SH3RF3: variants seen among roughly 807,000 people sequenced by gnomAD.
SH3RF3 encodes E3 ubiquitin-protein ligase SH3RF3.
Under a neutral mutation model 66.3 loss-of-function variants are expected in SH3RF3, and 29 were observed. The ratio of observed to expected loss-of-function variants is 0.44; its 90% CI spans 0.33 to 0.60. The LOEUF is 0.60. SH3RF3 is among the 20% of genes least tolerant of loss of function. SH3RF3 has a pLI of 0.04. For synonymous variants in SH3RF3, 583 were observed against 532.0 expected, an observed-to-expected ratio of 1.10 and a Z score of -1.32; for missense variants, 1,194 against 1,190.9, an observed-to-expected ratio of 1.00 and a Z score of -0.04.
At chr2:109,356,450 C>T (rs191038195) in intron 2 of SH3RF3, among the ~76,000 whole-genome samples, 51 of 152,318 alleles carry the variant, frequency 3.3e-4, no homozygotes, top group African/African-American at 8.9e-4. Flanking sequence ...CACAGTAGCA[C>T]GACACTCGAC....
chr2:109,498,800 G>A (rs12616439), intron 9 of SH3RF3, among the ~76,000 whole-genome samples: 17,963 of 152,254 alleles, frequency 0.12, 1,554 homozygotes, highest in East Asian at 0.3. Flanking sequence ...GGGTAAACAG[G>A]TGAATGGCTG....
intron 4 of SH3RF3, among the ~76,000 whole-genome samples, chr2:109,404,048 C>T (rs1676386209): frequency 6.6e-6 from 1 of 152,192 alleles, no homozygotes; most frequent in Non-Finnish European, 1.5e-5. Context: ...CATCTCTAGT[C>T]ACTGCTTTCT....
At chr2:109,408,826 G>A (rs997975459) in intron 4 of SH3RF3, among the ~76,000 whole-genome samples, 5 of 152,252 alleles carry the variant, frequency 3.3e-5, no homozygotes, top group African/African-American at 7.2e-5. Flanking sequence ...AAAGCTGGAT[G>A]GAGAAGCCTC....
chr2:109,495,308 T>C (rs1679229627), intron 9 of SH3RF3, among the ~76,000 whole-genome samples: 1 of 152,134 alleles, frequency 6.6e-6, no homozygotes, highest in South Asian at 2.1e-4. Context: ...TGGTCTGTTC[T>C]GGTGCAGGGC....
At chr2:109,493,804 A>G (rs1187805722) in intron 9 of SH3RF3, among the ~76,000 whole-genome samples, 1 of 152,148 alleles carries the variant, frequency 6.6e-6, no homozygotes, top group Non-Finnish European at 1.5e-5. Context: ...CATAACACAC[A>G]GATACACACA....
Position 109,129,352 on chromosome 2 carries a change from TCCCCGCCACGC to T in SH3RF3, c.-188_-178del. On this transcript the variant is annotated 5_prime_UTR_variant, in exon 1 of 10. Coordinates refer to ENST00000309415, the MANE Select transcript of SH3RF3 (RefSeq NM_001099289.3). The stretch of plus-strand genomic sequence containing the variant: ...GGCCGGTCCCCGCCACGCAGGCCGG[TCCCCGCCACGC>T]AGGCCGGTCGGTGAGCCACTTCGCA... 1 of 871,220 alleles carries T rather than the reference TCCCCGCCACGC, an allele frequency of 1.1e-6. No individual in the cohort carries two copies. Among genetic ancestry groups the T allele is most frequent in the Non-Finnish European group, 1.8e-6 (1 of 568,834 alleles). The allele number at this position is 871,220 out of a possible 1,614,324, so 54.0% of individuals were successfully genotyped here.
intron 1 of SH3RF3, among the ~76,000 whole-genome samples, chr2:109,174,774 C>T (rs752029985): frequency 1.3e-5 from 2 of 152,328 alleles, no homozygotes; most frequent in Middle Eastern, 3.4e-3. Context: ...GTGGCTCACT[C>T]GCTGGAGCCC....
At chr2:109,432,165 G>A (rs943004507) in intron 5 of SH3RF3, among the ~76,000 whole-genome samples, 1 of 152,212 alleles carries the variant, frequency 6.6e-6, no homozygotes, top group African/African-American at 2.4e-5. Context: ...CTGGGATGCA[G>A]TTCAGAGAGT....
At chr2:109,185,688 T>C (rs1035233789) in intron 1 of SH3RF3, among the ~76,000 whole-genome samples, 1 of 152,196 alleles carries the variant, frequency 6.6e-6, no homozygotes, top group Admixed American at 6.5e-5. Flanking sequence ...CACATGGCTC[T>C]TGGTGGAAAA....
chr2:109,297,791 A>G (rs1382656372), intron 1 of SH3RF3, among the ~76,000 whole-genome samples: 1 of 148,780 alleles, frequency 6.7e-6, no homozygotes, highest in Non-Finnish European at 1.5e-5. Flanking sequence ...GCCCCCAACT[A>G]GGTCAGCTCT....
intron 8 of SH3RF3, among the ~76,000 whole-genome samples, chr2:109,480,675 G>C (rs1342459817): frequency 6.6e-6 from 1 of 152,168 alleles, no homozygotes; most frequent in Non-Finnish European, 1.5e-5. Context: ...CTGGCATGTG[G>C]AGGGGTGGAG....
At chr2:109,278,712 C>G (rs902170301) in intron 1 of SH3RF3, among the ~76,000 whole-genome samples, 1 of 152,216 alleles carries the variant, frequency 6.6e-6, no homozygotes, top group African/African-American at 2.4e-5. Flanking sequence ...CTTCCAGAGC[C>G]ATGTCTTCAT....
In SH3RF3 at chr2:109,386,890, G is replaced by T. The variant is rs565200046; in HGVS notation, c.946-11700G>T. On this transcript the variant is annotated intron_variant, in intron 3 of 9. Transcript: ENST00000309415. ...CTTTGTACAAAATCAAAAAAAATCTGTCACTGCCGCAGCTCAGGAGGTCTC... is the reference window on the plus strand; with the variant it reads ...CTTTGTACAAAATCAAAAAAAATCTTTCACTGCCGCAGCTCAGGAGGTCTC... 1.2e-3 allele frequency among the ~76,000 whole-genome samples: 181 copies of T among 152,308 alleles called. 1 individual carries two copies. Among genetic ancestry groups the T allele is most frequent in the African/African-American group, 4.1e-3 (170 of 41,562 alleles).
Position 109,398,898 on chromosome 2 carries a change from C to G in SH3RF3, c.1254C>G (p.Ala418=). 6.2e-7 allele frequency: 1 copy of G among 1,613,652 alleles called. No homozygotes were observed. The highest frequency in any genetic ancestry group is 8.5e-7 in the Non-Finnish European group (1 of 1,179,888). The change falls in exon 4 of 10, where the codon GCC becomes GCG. Residue 418 remains alanine (A), a synonymous_variant. Transcript: ENST00000309415. ...GCTCCAGCGATCCCCGAGCCGCGGC[C>G]AGGATTGGAGACCTTGCTCATCTGT... ...LISSSDPRAA[A]RIGDLAHLSC...
intron 1 of SH3RF3, among the ~76,000 whole-genome samples, chr2:109,274,513 T>G (rs934865503): frequency 1.3e-5 from 2 of 152,088 alleles, no homozygotes; most frequent in Non-Finnish European, 2.9e-5. Flanking sequence ...AACATTATGC[T>G]CAAAAAAAGC....
At chr2:109,479,447 T>C (rs991895947) in intron 8 of SH3RF3, among the ~76,000 whole-genome samples, 1 of 152,236 alleles carries the variant, frequency 6.6e-6, no homozygotes, top group African/African-American at 2.4e-5. Flanking sequence ...GGAACATTTC[T>C]TGTCTGGCAC....
intron 1 of SH3RF3, among the ~76,000 whole-genome samples, chr2:109,171,798 C>T (rs897761414): frequency 2.0e-5 from 3 of 152,236 alleles, no homozygotes; most frequent in South Asian, 2.1e-4. Flanking sequence ...TCACTTGCAG[C>T]GGGGAGTGGC....
chr2:109,224,732 C>T (rs932884680), intron 1 of SH3RF3, among the ~76,000 whole-genome samples: 1 of 152,128 alleles, frequency 6.6e-6, no homozygotes, highest in Non-Finnish European at 1.5e-5. Context: ...TGGTGGGCAC[C>T]TGTAATCCCA....
intron 1 of SH3RF3, among the ~76,000 whole-genome samples, chr2:109,277,114 C>T (rs1370278183): frequency 1.3e-5 from 2 of 152,146 alleles, no homozygotes; most frequent in Non-Finnish European, 2.9e-5. Context: ...CCAGAGCCCT[C>T]AGGACTGTAG....
Sources: gnomAD v4.1 joint callset for allele counts (sites outside exome capture counted in the v4.1 genomes callset) on GRCh38, gnomAD v4.1.1 for gene constraint, MANE v1.5 for transcripts, NCBI Gene and HGNC (gene_info 2026-07-23, HGNC 2026-07-21) for gene names.